Variants in DPP6 observed in about 807,000 individuals in gnomAD.
DPP6 encodes A-type potassium channel modulatory protein DPP6.
Under a neutral mutation model 122.6 loss-of-function variants are expected in DPP6, and 69 were observed. That is an observed-to-expected ratio of 0.56 (90% CI 0.46 to 0.69). The LOEUF (loss-of-function observed/expected upper bound fraction) is 0.69. DPP6 is among the 30% of genes least tolerant of loss of function. The pLI is 0.00. For synonymous variants in DPP6, 418 were observed against 433.1 expected, an observed-to-expected ratio of 0.97 and a Z score of 0.43; for missense variants, 928 against 1,116.9, an observed-to-expected ratio of 0.83 and a Z score of 2.41.
chr7:154,721,988 GACCCC>G lies in DPP6; in HGVS notation c.763-5777_763-5773del, dbSNP rs1415182568. Among the ~76,000 whole-genome samples, 6 of 144,716 alleles carry G rather than the reference GACCCC, an allele frequency of 4.1e-5. No homozygotes were observed. In the East Asian group the frequency reaches 1.0e-3, roughly 24 times the overall value. The allele number at this position is 144,716 out of a possible 152,430, so 94.9% of individuals were successfully genotyped here. A position where few individuals can be genotyped will look rare whatever the true frequency, so the allele number is the denominator to read the frequency against. On this transcript the variant is annotated intron_variant, in intron 7 of 25. Transcript: ENST00000377770. ...AAGACCAGCCTAGGCAACATAGTGA[GACCCC>G]ATCTCTACCAAAAAAAAAAAAAAAA...
At chr7:154,130,314 A>G (rs201935305) in intron 1 of DPP6, among the ~76,000 whole-genome samples, 2 of 152,076 alleles carry the variant, frequency 1.3e-5, no homozygotes, top group African/African-American at 4.8e-5. Flanking sequence ...TGGGACTTTG[A>G]AAAAAACAGA....
chr7:154,754,660 T>C (rs1843569532), intron 8 of DPP6, among the ~76,000 whole-genome samples: 1 of 152,224 alleles, frequency 6.6e-6, no homozygotes, highest in Non-Finnish European at 1.5e-5. Context: ...ATTGAACATG[T>C]GAAGACACAT....
rs909421810 is a variant in DPP6 at position 154,014,798 on chromosome 7, G to A, written c.51+127064G>A. 9.9e-4 allele frequency among the ~76,000 whole-genome samples: 150 copies of A among 152,094 alleles called. 1 individual carries two copies. The highest frequency in any genetic ancestry group is 9.7e-4 in the Non-Finnish European group (66 of 68,038). On this transcript the variant is annotated intron_variant, in intron 1 of 25. Coordinates refer to the DPP6 transcript ENST00000404039. ...AAGCCTCCCTTCACATTTTGAGTGTGTCTGCTATGGATAATGAGGCAGCAA... is the reference window on the plus strand; with the variant it reads ...AAGCCTCCCTTCACATTTTGAGTGTATCTGCTATGGATAATGAGGCAGCAA...
At chr7:154,444,975 G>A (rs920298259) in intron 1 of DPP6, among the ~76,000 whole-genome samples, 17 of 152,128 alleles carry the variant, frequency 1.1e-4, no homozygotes, top group Admixed American at 1.0e-3. Flanking sequence ...CTAAACCACT[G>A]TAGAACTCTT....
At chr7:154,177,072 G>A (rs922284305) in intron 1 of DPP6, among the ~76,000 whole-genome samples, 1 of 152,042 alleles carries the variant, frequency 6.6e-6, no homozygotes, top group African/African-American at 2.4e-5. Context: ...GGGCTCAAGC[G>A]ATTCTCCCAA....
intron 1 of DPP6, among the ~76,000 whole-genome samples, chr7:153,976,958 C>T (rs1036741275): frequency 6.6e-5 from 10 of 152,300 alleles, no homozygotes; most frequent in African/African-American, 2.4e-4. Flanking sequence ...CGGGGTGAGC[C>T]GTGGTCCTGC....
chr7:154,144,560 A>G (rs1187358996), intron 1 of DPP6, among the ~76,000 whole-genome samples: 1 of 149,664 alleles, frequency 6.7e-6, no homozygotes, highest in Non-Finnish European at 1.5e-5. Context: ...GTAAGAGTCA[A>G]TGAAATGGGG....
intron 1 of DPP6, among the ~76,000 whole-genome samples, chr7:154,306,322 G>A (rs1035047219): frequency 6.6e-6 from 1 of 152,342 alleles, no homozygotes; most frequent in African/African-American, 2.4e-5. Flanking sequence ...TGTAGACATC[G>A]TAATTCCCTC....
chr7:154,096,562 T>A (rs1310553536), intron 1 of DPP6, among the ~76,000 whole-genome samples: 3 of 151,982 alleles, frequency 2.0e-5, no homozygotes, highest in Admixed American at 6.6e-5. Context: ...AATCTTGGTA[T>A]TTGTGCTATG....
At chr7:154,669,469 C>T in intron 7 of DPP6, 28 bp downstream of exon 7, 1 of 1,548,138 alleles carries the variant, frequency 6.5e-7, no homozygotes. Context: ...AGTAACTATA[C>T]TTGGGTTTTG....
At chr7:154,168,548 A>C (rs190398848) in intron 1 of DPP6, among the ~76,000 whole-genome samples, 5 of 152,344 alleles carry the variant, frequency 3.3e-5, no homozygotes, top group African/African-American at 1.2e-4. Context: ...ATGATAACCA[A>C]GGCTGATATG....
chr7:154,803,247 G>A (rs571002487), intron 13 of DPP6, among the ~76,000 whole-genome samples: 8 of 152,232 alleles, frequency 5.3e-5, no homozygotes, highest in African/African-American at 7.2e-5. Flanking sequence ...CTGAAACATC[G>A]CTCCCGCCTA....
rs1346253347 is a variant in DPP6 at position 154,032,839 on chromosome 7, C to CT, written c.51+145105_51+145106insT. Among the ~76,000 whole-genome samples, 4 of 150,340 alleles carry CT rather than the reference C, an allele frequency of 2.7e-5. No individual in the cohort carries two copies. In the East Asian group the frequency reaches 6.0e-4, roughly 22 times the overall value. On this transcript the variant is annotated intron_variant, in intron 1 of 25. Transcript: ENST00000404039. ...TCTCTCTTTAAAATGTGTCCGCACC[C>CT]CCCACCGACCCCATCCCCCATCCCC...
intron 1 of DPP6, among the ~76,000 whole-genome samples, chr7:154,153,753 G>C (rs1203659446): frequency 6.6e-6 from 1 of 152,214 alleles, no homozygotes; most frequent in African/African-American, 2.4e-5. Context: ...CCTTTTACTT[G>C]AAGCAATAGT....
chr7:154,306,999 T>C (rs1398081077), intron 1 of DPP6, among the ~76,000 whole-genome samples: 2 of 152,214 alleles, frequency 1.3e-5, no homozygotes, highest in Non-Finnish European at 2.9e-5. Context: ...AAGTGTGCGA[T>C]GGGCTTTCAG....
chr7:154,824,891 C>T (rs1014976587), intron 16 of DPP6, among the ~76,000 whole-genome samples: 4 of 152,182 alleles, frequency 2.6e-5, no homozygotes, highest in East Asian at 3.9e-4. Flanking sequence ...AGAGAACCCC[C>T]GGTCTCTGAC....
intron 1 of DPP6, among the ~76,000 whole-genome samples, chr7:154,216,001 G>A (rs1372176891): frequency 1.3e-5 from 2 of 151,812 alleles, no homozygotes; most frequent in African/African-American, 4.8e-5. Context: ...TGGGCCCAGT[G>A]AACAGCTGCA....
intron 3 of DPP6, among the ~76,000 whole-genome samples, chr7:154,515,401 A>G (rs937901438): frequency 6.6e-6 from 1 of 152,110 alleles, no homozygotes; most frequent in African/African-American, 2.4e-5. Flanking sequence ...CAGAGGACCT[A>G]GTTCTGGGCC....
At chr7:153,823,552 G>C in the DPP6 span, among the ~76,000 whole-genome samples, 22 of 149,572 alleles carry the variant, frequency 1.5e-4, no homozygotes, top group African/African-American at 4.7e-4. Context: ...CAATTCCCCA[G>C]TCCCCGGCAG....
Sources: gnomAD v4.1 joint callset for allele counts (sites outside exome capture counted in the v4.1 genomes callset) on GRCh38, gnomAD v4.1.1 for gene constraint, MANE v1.5 for transcripts, NCBI Gene and HGNC (gene_info 2026-07-23, HGNC 2026-07-21) for gene names.